The following SAMD3 variants were observed in gnomAD, a reference collection of about 807,000 sequenced individuals.
SAMD3 encodes the protein sterile alpha motif domain containing 3, also known as sterile alpha motif domain-containing protein 3.
Under a neutral mutation model 58.5 loss-of-function variants are expected in SAMD3, and 63 were observed. The ratio of observed to expected loss-of-function variants is 1.08; its 90% CI spans 0.88 to 1.33. The LOEUF (loss-of-function observed/expected upper bound fraction) is 1.33, where lower values mean the gene tolerates loss of function less well. SAMD3 is among the 40% of genes most tolerant of loss of function. The pLI, the probability that SAMD3 is intolerant of heterozygous loss-of-function variation, is 0.00. For synonymous variants in SAMD3, 220 were observed against 210.3 expected (o/e 1.05, Z -0.40); for missense variants, 604 against 608.4 (o/e 0.99, Z 0.08).
At chr6:130,324,016 ACT>A (rs1776673917) in intron 1 of SAMD3, among the ~76,000 whole-genome samples, 1 of 152,010 alleles carries the variant, frequency 6.6e-6, no homozygotes, top group Non-Finnish European at 1.5e-5. Context: ...GAATAAATAC[ACT>A]CTGGCATTTA....
At chr6:130,198,269 T>C (rs1794326507) in intron 5 of SAMD3, among the ~76,000 whole-genome samples, 1 of 152,144 alleles carries the variant, frequency 6.6e-6, no homozygotes, top group Non-Finnish European at 1.5e-5. Context: ...AGTGGCACAA[T>C]GATGACTCAC....
At chr6:130,194,293 T>C (rs1019594463) in intron 5 of SAMD3, among the ~76,000 whole-genome samples, 2 of 152,236 alleles carry the variant, frequency 1.3e-5, no homozygotes, top group African/African-American at 4.8e-5. Flanking sequence ...GTTCATGGCT[T>C]GTTCGGTAGC....
At chr6:130,171,178 C>T (rs1791215432) in intron 8 of SAMD3, among the ~76,000 whole-genome samples, 1 of 152,186 alleles carries the variant, frequency 6.6e-6, no homozygotes, top group Non-Finnish European at 1.5e-5. Context: ...AAGGCCTTTT[C>T]TGCATCTATT....
At chr6:130,220,293 C>T (rs1465332150) in intron 1 of SAMD3, among the ~76,000 whole-genome samples, 5 of 152,180 alleles carry the variant, frequency 3.3e-5, no homozygotes, top group South Asian at 2.1e-4. Context: ...AGCCACTAGC[C>T]TGGCCAATTT....
intron 5 of SAMD3, among the ~76,000 whole-genome samples, chr6:130,197,115 C>G (rs994512264): frequency 2.0e-5 from 3 of 152,228 alleles, no homozygotes; most frequent in African/African-American, 7.2e-5. Context: ...ACTTTTACTA[C>G]TTTCCCTTCT....
intron 5 of SAMD3, among the ~76,000 whole-genome samples, chr6:130,190,130 A>G (rs988012586): frequency 1.0e-4 from 13 of 127,626 alleles, no homozygotes; most frequent in Non-Finnish European, 1.9e-4. Context: ...ACATGTGCAT[A>G]ACTGGACTAA....
At position 130,270,988 on chromosome 6, in the gene SAMD3, G is replaced by GT. The variant is rs74896632; in HGVS notation, c.-188+41989dup. ...TTCAAAAGAATTTGTACCCAATCTTGTTTTTTTTGTTTTTTTTTGTTTTTT... is the reference window on the plus strand; with the variant it reads ...TTCAAAAGAATTTGTACCCAATCTTGTTTTTTTTTGTTTTTTTTTGTTTTTT... On this transcript the variant is annotated intron_variant, in intron 2 of 13. Coordinates refer to the SAMD3 transcript ENST00000368134. Among the ~76,000 whole-genome samples the GT allele has an allele frequency of 7.1e-4, 69 of 97,872 alleles. No homozygotes were observed. The South Asian group carries it at 8.9e-3, about 13-fold the overall frequency. The allele number at this position is 97,872 out of a possible 152,430, so 64.2% of individuals were successfully genotyped here. A position where few individuals can be genotyped will look rare whatever the true frequency, so the allele number is the denominator to read the frequency against.
intron 1 of SAMD3, among the ~76,000 whole-genome samples, chr6:130,360,350 C>T (rs374727551): frequency 1.3e-5 from 2 of 152,098 alleles, no homozygotes; most frequent in Non-Finnish European, 2.9e-5. Flanking sequence ...CCCTAAGTGT[C>T]GGCCAGGTTG....
intron 1 of SAMD3, among the ~76,000 whole-genome samples, chr6:130,330,245 G>A (rs1475112826): frequency 6.6e-6 from 1 of 152,116 alleles, no homozygotes; most frequent in Admixed American, 6.6e-5. Flanking sequence ...GGATAACAAA[G>A]GGCACTTGTA....
At chr6:130,197,193 G>T (rs187458325) in intron 5 of SAMD3, among the ~76,000 whole-genome samples, 1 of 152,164 alleles carries the variant, frequency 6.6e-6, no homozygotes, top group Non-Finnish European at 1.5e-5. Context: ...TAGACGCTCC[G>T]TTTTATTAGG....
Position 130,144,363 on chromosome 6 carries a change from C to T in SAMD3, c.*157G>A. 1.6e-6 allele frequency: 1 copy of T among 614,466 alleles called. No individual in the cohort carries two copies. Among genetic ancestry groups the T allele is most frequent in the Non-Finnish European group, 2.7e-6 (1 of 369,342 alleles). The allele number at this position is 614,466 out of a possible 1,614,324, so 38.1% of individuals were successfully genotyped here. ...CAGAATTTCACAAAGAACTTAATAT[C>T]TAAGTGTAAAGATAGAAAGCATTGA... On this transcript the variant is annotated 3_prime_UTR_variant, in exon 12 of 12. Coordinates refer to ENST00000439090, the MANE Select transcript of SAMD3 (RefSeq NM_001017373.4).
chr6:130,169,357 T>G (rs946160638), intron 8 of SAMD3, among the ~76,000 whole-genome samples: 1 of 152,126 alleles, frequency 6.6e-6, no homozygotes, highest in East Asian at 1.9e-4. Context: ...CTTTAAAGCT[T>G]TTTGCTTTAC....
rs761201989 is a variant in SAMD3 at position 130,207,169 on chromosome 6, A to AAAAAG, written c.383+2325_383+2326insCTTTT. On this transcript the variant is annotated intron_variant, in intron 5 of 11. Coordinates refer to ENST00000439090, the MANE Select transcript of SAMD3 (RefSeq NM_001017373.4). ...TAGACCCCATCTCATCAAAAAAAAA[A>AAAAAG]AAAGAAAAAAAAGAAAAAGAAAAAA... is the stretch of plus-strand genomic sequence containing the variant. Among the ~76,000 whole-genome samples the AAAAAG allele has an allele frequency of 9.9e-5, 14 of 140,910 alleles. 1 individual carries two copies. The highest frequency in any genetic ancestry group is 2.0e-4 in the Non-Finnish European group (13 of 65,470). 92.4% of individuals were successfully genotyped at this position (140,910 alleles called of 152,430 possible). A position where few individuals can be genotyped will look rare whatever the true frequency, so the allele number is the denominator to read the frequency against.
intron 1 of SAMD3, among the ~76,000 whole-genome samples, chr6:130,220,982 T>C (rs558894727): frequency 6.6e-6 from 1 of 152,114 alleles, no homozygotes; most frequent in African/African-American, 2.4e-5. Context: ...ACCTCCCGAG[T>C]AGCTGGGACT....
intron 1 of SAMD3, among the ~76,000 whole-genome samples, chr6:130,333,608 T>C (rs1026461175): frequency 2.0e-5 from 3 of 152,238 alleles, no homozygotes; most frequent in African/African-American, 7.2e-5. Flanking sequence ...AGCTCATATT[T>C]AATTCCTTTA....
chr6:130,303,951 G>T (rs1428415547), intron 2 of SAMD3, among the ~76,000 whole-genome samples: 1 of 151,438 alleles, frequency 6.6e-6, no homozygotes, highest in Non-Finnish European at 1.5e-5. Flanking sequence ...TAAAGTTTTC[G>T]AATTTATAAA....
intron 2 of SAMD3, among the ~76,000 whole-genome samples, chr6:130,308,370 A>ATTCTATTCTATTCT (rs1775990964): frequency 3.3e-4 from 31 of 95,152 alleles, no homozygotes; most frequent in Middle Eastern, 4.9e-3. Context: ...ATTCTATTCT[A>ATTCTATTCTATTCT]TTCTATTCTA....
chr6:130,155,585 T>C (rs1789704340), intron 8 of SAMD3, among the ~76,000 whole-genome samples: 1 of 152,218 alleles, frequency 6.6e-6, no homozygotes, highest in African/African-American at 2.4e-5. Flanking sequence ...TCACTTATTC[T>C]TGTTGAAAAT....
intron 5 of SAMD3, among the ~76,000 whole-genome samples, chr6:130,198,177 C>T (rs867439550): frequency 6.6e-6 from 1 of 152,154 alleles, no homozygotes; most frequent in Non-Finnish European, 1.5e-5. Context: ...AGCCATGTTG[C>T]TCACACAAAG....
Sources: allele counts gnomAD v4.1 joint callset (sites outside exome capture counted in the v4.1 genomes callset), GRCh38; gene constraint gnomAD v4.1.1; transcripts MANE v1.5; gene names NCBI Gene and HGNC (gene_info 2026-07-23, HGNC 2026-07-21).